Variants in TBC1D5 observed in about 807,000 individuals in gnomAD.
TBC1D5 encodes the protein TBC1 domain family member 5.
TBC1D5 carries 75 observed loss-of-function variants against 100.3 expected under a neutral mutation model. The observed-to-expected ratio is 0.75, with a 90% CI of 0.62 to 0.91. The LOEUF (loss-of-function observed/expected upper bound fraction) is 0.91. Among genes scored for constraint, TBC1D5 ranks in the 40% least tolerant of loss-of-function variants. The pLI is 0.00. For missense variants in TBC1D5, 910 were observed against 942.4 expected, an observed-to-expected ratio of 0.97 and a Z score of 0.45; for synonymous variants, 323 against 325.6, an observed-to-expected ratio of 0.99 and a Z score of 0.09.
intron 1 of TBC1D5, among the ~76,000 whole-genome samples, chr3:17,653,110 AC>A (rs2065737200): frequency 6.6e-6 from 1 of 152,150 alleles, no homozygotes; most frequent in South Asian, 2.1e-4. Flanking sequence ...CTTACATGAA[AC>A]ATCCAGAATA....
rs187723397 is a variant in TBC1D5, at chr3:17,462,294, G to A, written c.98-33775C>T. On this transcript the variant is annotated intron_variant, in intron 3 of 21. Transcript: ENST00000253692. ...TTTCCTGGTTTCCTTCATTACCCACGTGCTATATTTAAATGTTTCGGACCT... is the reference window on the plus strand; with the variant it reads ...TTTCCTGGTTTCCTTCATTACCCACATGCTATATTTAAATGTTTCGGACCT... 7.1e-3 allele frequency among the ~76,000 whole-genome samples: 1,053 copies of A among 148,796 alleles called. 12 individuals carry two copies. Among genetic ancestry groups the A allele is most frequent in the Non-Finnish European group, 0.013 (854 of 67,398 alleles).
At chr3:17,186,044 T>G (rs1428881415) in intron 18 of TBC1D5, among the ~76,000 whole-genome samples, 1 of 151,758 alleles carries the variant, frequency 6.6e-6, no homozygotes, top group Non-Finnish European at 1.5e-5. Flanking sequence ...GTTTTTTTTT[T>G]TTTTAAGAGA....
At chr3:17,239,629 A>G (rs140359684) in intron 16 of TBC1D5, among the ~76,000 whole-genome samples, 1 of 152,244 alleles carries the variant, frequency 6.6e-6, no homozygotes, top group African/African-American at 2.4e-5. Context: ...CCAAAGGTCT[A>G]TTCTTATTTG....
intron 1 of TBC1D5, among the ~76,000 whole-genome samples, chr3:17,664,204 G>A (rs6806610): frequency 0.5 from 75,928 of 151,728 alleles, 20,523 homozygotes; most frequent in East Asian, 0.94. Flanking sequence ...TCAGTAGCTG[G>A]GATTACAGGC....
At chr3:17,572,952 T>C (rs2096636540) in intron 2 of TBC1D5, among the ~76,000 whole-genome samples, 1 of 152,132 alleles carries the variant, frequency 6.6e-6, no homozygotes, top group African/African-American at 2.4e-5. Context: ...GTTCTATCAA[T>C]GCCAAACACA....
chr3:17,464,555 T>C (rs2095270736), intron 3 of TBC1D5, among the ~76,000 whole-genome samples: 2 of 152,278 alleles, frequency 1.3e-5, no homozygotes, highest in Non-Finnish European at 2.9e-5. Context: ...AACTGGGTCA[T>C]AGAGCCCTAG....
chr3:17,226,030 C>A (rs554665184), intron 17 of TBC1D5, among the ~76,000 whole-genome samples: 1 of 151,930 alleles, frequency 6.6e-6, no homozygotes, highest in Non-Finnish European at 1.5e-5. Flanking sequence ...CAATCCCCCA[C>A]AGATACTGAG....
At chr3:17,723,142 T>C (rs2075837832) in intron 1 of TBC1D5, among the ~76,000 whole-genome samples, 1 of 152,190 alleles carries the variant, frequency 6.6e-6, no homozygotes, top group Admixed American at 6.5e-5. Context: ...TAGACAATAA[T>C]AATAATGGTA....
rs766345196 is a variant in TBC1D5, at chr3:17,383,946, A to C, written c.579T>G (p.Tyr193Ter). ...AAAGCAACTGCTCGTTTTCTCTGGC[A>C]TAACAGAAAAGAACATCTGTAAGAA... Residue 193 changes from tyrosine (Y) to a stop codon, truncating the protein, a stop_gained, in exon 9 of 22, where the codon TAT (tyrosine) becomes TAG (stop). Transcript: ENST00000253692. LOFTEE classifies it high-confidence loss of function. The C allele has an allele frequency of 1.2e-6, 2 of 1,602,770 alleles. No homozygotes were observed. The highest frequency in any genetic ancestry group is 1.7e-6 in the Non-Finnish European group (2 of 1,172,026).
chr3:17,674,238 T>C (rs2068337761), intron 1 of TBC1D5, among the ~76,000 whole-genome samples: 1 of 152,202 alleles, frequency 6.6e-6, no homozygotes, highest in African/African-American at 2.4e-5. Context: ...TCCAACTCCA[T>C]TTCTTTATAT....
Position 17,168,192 on chromosome 3 carries a change from C to T in TBC1D5, c.1853-364G>A, listed in dbSNP as rs549612103. Among the ~76,000 whole-genome samples the T allele has an allele frequency of 9.2e-5, 14 of 152,332 alleles. No homozygotes were observed. In the South Asian group the frequency reaches 2.9e-3, roughly 32 times the overall value. ...TCAGCCTGGGCTTCCTGTATAGCCT[C>T]ATGGGTCAATGATGTTACCTTACCT... is the stretch of plus-strand genomic sequence containing the variant. On this transcript the variant is annotated intron_variant, in intron 19 of 21. Transcript: ENST00000253692.
chr3:17,193,792 T>C (rs2070287497), intron 18 of TBC1D5, among the ~76,000 whole-genome samples: 1 of 152,188 alleles, frequency 6.6e-6, no homozygotes, highest in African/African-American at 2.4e-5. Context: ...CCTTATAGCG[T>C]TGCTTGAGGA....
chr3:17,237,472 T>C (rs2075953245), intron 17 of TBC1D5, among the ~76,000 whole-genome samples: 1 of 152,112 alleles, frequency 6.6e-6, no homozygotes, highest in Admixed American at 6.6e-5. Context: ...GAGGTGAAGC[T>C]CTGGAAAGGC....
At chr3:17,388,313 A>G (rs1337369876) in intron 8 of TBC1D5, among the ~76,000 whole-genome samples, 1 of 152,124 alleles carries the variant, frequency 6.6e-6, no homozygotes, top group South Asian at 2.1e-4. Context: ...CAAAATTGGT[A>G]GGCAATATAG....
chr3:17,181,714 C>A (rs1372697336), intron 19 of TBC1D5, among the ~76,000 whole-genome samples: 1 of 152,164 alleles, frequency 6.6e-6, no homozygotes, highest in Non-Finnish European at 1.5e-5. Context: ...ATTTTCAGGG[C>A]ATGTCTTCTA....
intron 18 of TBC1D5, among the ~76,000 whole-genome samples, chr3:17,193,348 T>C (rs994556049): frequency 3.3e-5 from 5 of 152,240 alleles, no homozygotes; most frequent in African/African-American, 9.6e-5. Context: ...ACTTGACTTA[T>C]AGCATATCCC....
chr3:17,411,733 T>C (rs924821290), intron 4 of TBC1D5, among the ~76,000 whole-genome samples: 1 of 152,154 alleles, frequency 6.6e-6, no homozygotes, highest in African/African-American at 2.4e-5. Flanking sequence ...ACTACTTATG[T>C]AATGAAGGAT....
At chr3:17,347,014 T>C (rs12488093) in intron 13 of TBC1D5, among the ~76,000 whole-genome samples, 63,550 of 152,082 alleles carry the variant, frequency 0.42, 13,960 homozygotes, top group Middle Eastern at 0.5. Flanking sequence ...GCTGACATTG[T>C]ATGTAATTCA....
chr3:17,470,224 A>G (rs2095356845), intron 3 of TBC1D5, among the ~76,000 whole-genome samples: 1 of 152,192 alleles, frequency 6.6e-6, no homozygotes, highest in Non-Finnish European at 1.5e-5. Flanking sequence ...CTGGCTAACA[A>G]AGCTATTTTC....
Sources: allele counts gnomAD v4.1 joint callset (sites outside exome capture counted in the v4.1 genomes callset), GRCh38; gene constraint gnomAD v4.1.1; transcripts MANE v1.5; gene names NCBI Gene and HGNC (gene_info 2026-07-23, HGNC 2026-07-21).